Variants in PHKA1 observed in about 807,000 individuals in gnomAD.
PHKA1 encodes phosphorylase b kinase regulatory subunit alpha, skeletal muscle isoform.
A neutral mutation model predicts 110.2 loss-of-function variants in PHKA1; 60 were observed. The ratio of observed to expected loss-of-function variants is 0.54; its 90% CI spans 0.44 to 0.68. The LOEUF is 0.68. PHKA1 is among the 30% of genes least tolerant of loss of function. PHKA1 has a pLI of 0.00. For synonymous variants in PHKA1, 316 were observed against 333.6 expected (o/e 0.95, Z 0.58); for missense variants, 801 against 942.5 (o/e 0.85, Z 1.97).
chrX:72,668,660 G>A (rs2053642472), intron 6 of PHKA1, among the ~76,000 whole-genome samples: 1 of 111,449 alleles, frequency 9.0e-6, no homozygotes, highest in African/African-American at 3.3e-5. Flanking sequence ...CACCTAAACT[G>A]AGACCTATAG....
At chrX:72,677,268 C>A (rs1383891933) in intron 5 of PHKA1, among the ~76,000 whole-genome samples, 1 of 112,341 alleles carries the variant, frequency 8.9e-6, no homozygotes, top group Non-Finnish European at 1.9e-5. Flanking sequence ...CAGGGATATA[C>A]AATGCTGATA....
At chrX:72,651,484 C>T (rs1165745461) in intron 12 of PHKA1, among the ~76,000 whole-genome samples, 1 of 110,243 alleles carries the variant, frequency 9.1e-6, no homozygotes, top group Non-Finnish European at 1.9e-5. Flanking sequence ...TGTGGTGAGC[C>T]GAGATCGTGC....
chrX:72,622,811 A>C (rs1003657511), intron 18 of PHKA1: 1 of 750,962 alleles, frequency 1.3e-6, no homozygotes. Flanking sequence ...ATCATCTCTC[A>C]CTCACCACTG....
At chrX:72,703,150 A>G (rs1010307276) in intron 3 of PHKA1, among the ~76,000 whole-genome samples, 15 of 111,621 alleles carry the variant, frequency 1.3e-4, no homozygotes, top group Non-Finnish European at 1.9e-4. Context: ...TGGGTCCTCA[A>G]CCTTGGCAAA....
chrX:72,657,663 G>C (rs200614564), intron 8 of PHKA1, 22 bp from the exon 9 acceptor site: 11 of 1,179,368 alleles, frequency 9.3e-6, no homozygotes, highest in Non-Finnish European at 1.3e-5. Context: ...AAGAAAAAAG[G>C]TCAGCAGCTT....
In PHKA1 at chrX:72,617,983, A is replaced by G. The variant is rs1333931257; in HGVS notation, c.2369+727T>C. ...AGAATGCTCATCCTGTAATGATTATAAAACCCCCAATTTAGTCTCCTTTCC... is the reference window on the plus strand; with the variant it reads ...AGAATGCTCATCCTGTAATGATTATGAAACCCCCAATTTAGTCTCCTTTCC... On this transcript the variant is annotated intron_variant, in intron 21 of 31. Transcript: ENST00000373542. Among the ~76,000 whole-genome samples the G allele has an allele frequency of 3.6e-5, 4 of 111,753 alleles. No homozygotes were observed. In the East Asian group the frequency reaches 1.1e-3, roughly 31 times the overall value.
intron 31 of PHKA1, among the ~76,000 whole-genome samples, chrX:72,581,819 T>A (rs1029929108): frequency 5.3e-5 from 6 of 112,472 alleles, no homozygotes; most frequent in African/African-American, 1.9e-4. Context: ...CAACAGTGCC[T>A]GTCCTTCACT....
chrX:72,613,021 CAT>C (rs2052835840), intron 21 of PHKA1, among the ~76,000 whole-genome samples: 1 of 111,207 alleles, frequency 9.0e-6, no homozygotes, highest in African/African-American at 3.3e-5. Flanking sequence ...AACCCCTAGA[CAT>C]ATGAGTGGGC....
intron 8 of PHKA1, among the ~76,000 whole-genome samples, chrX:72,664,402 C>A (rs781860312): frequency 8.1e-5 from 9 of 111,391 alleles, no homozygotes; most frequent in African/African-American, 2.6e-4. Context: ...ATATATGCAC[C>A]TAACATTGCA....
Position 72,584,310 on chromosome X carries a change from A to G in PHKA1, c.3244-8T>C. On this transcript the variant is annotated splice_polypyrimidine_tract_variant and splice_region_variant and intron_variant, in intron 29 of 31. Transcript: ENST00000373542. ...AACAGAAAGTCCGTGACACTGCAAAACAGAAAAAAAACCATATCACCAAAA... is the reference window on the plus strand; with the variant it reads ...AACAGAAAGTCCGTGACACTGCAAAGCAGAAAAAAAACCATATCACCAAAA... 1 of 1,203,821 alleles carries G rather than the reference A, an allele frequency of 8.3e-7. No individual in the cohort carries two copies. Among genetic ancestry groups the G allele is most frequent in the Non-Finnish European group, 1.1e-6 (1 of 888,554 alleles).
chrX:72,667,530 T>C, intron 6 of PHKA1, 57 bp from the exon 7 acceptor site: 4 of 842,400 alleles, frequency 4.7e-6, no homozygotes, highest in Non-Finnish European at 5.3e-6. Flanking sequence ...ATATATTTCT[T>C]CTCCCTATAT....
At chrX:72,681,322 C>T (rs1418422308) in intron 5 of PHKA1, among the ~76,000 whole-genome samples, 8 of 109,547 alleles carry the variant, frequency 7.3e-5, no homozygotes, top group Admixed American at 3.8e-4. Context: ...GGAGCCCCTC[C>T]GCCCGGCAGC....
intron 26 of PHKA1, among the ~76,000 whole-genome samples, 186 bp downstream of exon 26, chrX:72,602,933 T>C (rs1556245389): frequency 8.9e-6 from 1 of 112,233 alleles, no homozygotes; most frequent in Non-Finnish European, 1.9e-5. Context: ...TTAGTTGATA[T>C]ACCATTTAAG....
chrX:72,663,214 G>A (rs963652659), intron 8 of PHKA1, among the ~76,000 whole-genome samples: 38 of 109,766 alleles, frequency 3.5e-4, no homozygotes, highest in African/African-American at 1.3e-3. Flanking sequence ...AAACTTTAAC[G>A]CAGAAGAATT....
intron 18 of PHKA1, chrX:72,622,500 G>A: frequency 5.3e-6 from 4 of 753,786 alleles, no homozygotes; most frequent in Non-Finnish European, 6.3e-6. Context: ...TTTTAACACT[G>A]TAGGGTAGTG....
chrX:72,645,368 C>T (rs1236479702), intron 13 of PHKA1, among the ~76,000 whole-genome samples: 1 of 112,191 alleles, frequency 8.9e-6, no homozygotes, highest in African/African-American at 3.2e-5. Context: ...TTATTTTCTA[C>T]ATTGAGTTTT....
At chrX:72,581,577 T>A (rs1556202163) in intron 31 of PHKA1, among the ~76,000 whole-genome samples, 1 of 111,707 alleles carries the variant, frequency 9.0e-6, no homozygotes, top group East Asian at 2.8e-4. Context: ...TTATCCTGCA[T>A]TTGATCATGA....
At chrX:72,704,189 A>G (rs1556331233) in intron 3 of PHKA1, among the ~76,000 whole-genome samples, 1 of 112,220 alleles carries the variant, frequency 8.9e-6, no homozygotes. Context: ...ACTGGAGGTC[A>G]GGAAAATGCA....
intron 4 of PHKA1, among the ~76,000 whole-genome samples, chrX:72,692,495 A>G (rs782337459): frequency 8.9e-6 from 1 of 111,860 alleles, no homozygotes; most frequent in African/African-American, 3.2e-5. Context: ...AAGATTTTAT[A>G]TTACTAATTC....
Sources: allele counts gnomAD v4.1 joint callset (sites outside exome capture counted in the v4.1 genomes callset), GRCh38; gene constraint gnomAD v4.1.1; transcripts MANE v1.5; gene names NCBI Gene and HGNC (gene_info 2026-07-23, HGNC 2026-07-21).